The following TET3 variants were observed in gnomAD, a reference collection of about 807,000 sequenced individuals.
TET3 encodes methylcytosine dioxygenase TET3.
A neutral mutation model predicts 141.4 loss-of-function variants in TET3; 19 were observed. The observed-to-expected ratio is 0.13, with a 90% CI of 0.09 to 0.20. The LOEUF is 0.20. TET3 is among the 10% of genes least tolerant of loss of function. TET3 has a pLI of 1.00. For synonymous variants in TET3, 1,043 were observed against 980.9 expected (o/e 1.06, Z -1.18); for missense variants, 1,874 against 2,356.9 (o/e 0.80, Z 4.24).
chr2:74,002,376 C>G (rs1383461282), intron 2 of TET3, among the ~76,000 whole-genome samples: 1 of 151,698 alleles, frequency 6.6e-6, no homozygotes, highest in Non-Finnish European at 1.5e-5. Flanking sequence ...CCCCCACCCC[C>G]CCGGCGTCTG....
At chr2:74,034,188 C>G (rs1686903392) in intron 3 of TET3, among the ~76,000 whole-genome samples, 1 of 149,158 alleles carries the variant, frequency 6.7e-6, no homozygotes, top group Non-Finnish European at 1.5e-5. Flanking sequence ...AAACCACCCC[C>G]AGTATCTGTG....
At chr2:74,016,111 T>C (rs950178595) in intron 3 of TET3, among the ~76,000 whole-genome samples, 1 of 152,140 alleles carries the variant, frequency 6.6e-6, no homozygotes, top group African/African-American at 2.4e-5. Flanking sequence ...CTCATGCTTA[T>C]AGTCCCAGTG....
chr2:74,110,289 G>A (rs2104293796), downstream of TET3, among the ~76,000 whole-genome samples: 1 of 151,926 alleles, frequency 6.6e-6, no homozygotes, highest in Middle Eastern at 3.4e-3. Context: ...CACTCTCCCT[G>A]CCTATTTTGA....
At chr2:74,118,025 T>A in the TET3 span, among the ~76,000 whole-genome samples, 1 of 152,242 alleles carries the variant, frequency 6.6e-6, no homozygotes, top group African/African-American at 2.4e-5. Flanking sequence ...ATTACAGGCA[T>A]GAGCCACTGC....
At chr2:74,000,249 C>T (rs753116913) in intron 2 of TET3, among the ~76,000 whole-genome samples, 1 of 152,194 alleles carries the variant, frequency 6.6e-6, no homozygotes, top group Non-Finnish European at 1.5e-5. Flanking sequence ...CAGTGCCCAG[C>T]CCCCTGCCTC....
the TET3 span, among the ~76,000 whole-genome samples, chr2:74,119,731 AATT>A: frequency 6.6e-6 from 1 of 152,258 alleles, no homozygotes; most frequent in Non-Finnish European, 1.5e-5. Flanking sequence ...TGGCTGAATC[AATT>A]ATTACCACGA....
chr2:74,072,511 T>TA (rs756082699), intron 4 of TET3, among the ~76,000 whole-genome samples: 3,563 of 131,202 alleles, frequency 0.027, 97 homozygotes, highest in African/African-American at 0.075. Flanking sequence ...AAACTCCATC[T>TA]AAAAAAAAAA....
chr2:74,031,842 A>G (rs1686711004), intron 3 of TET3, among the ~76,000 whole-genome samples: 1 of 152,230 alleles, frequency 6.6e-6, no homozygotes, highest in African/African-American at 2.4e-5. Flanking sequence ...GCTGAAATCC[A>G]TGAATATTTA....
intron 2 of TET3, among the ~76,000 whole-genome samples, chr2:73,990,249 T>C (rs1684255997): frequency 6.7e-6 from 1 of 149,686 alleles, no homozygotes; most frequent in African/African-American, 2.5e-5. Flanking sequence ...CATGGTGGCA[T>C]GTGCCTGTAG....
At chr2:74,058,034 A>C (rs1688307943) in intron 4 of TET3, among the ~76,000 whole-genome samples, 1 of 152,232 alleles carries the variant, frequency 6.6e-6, no homozygotes, top group South Asian at 2.1e-4. Context: ...AGTCGCTATC[A>C]AATAAAAAAT....
intron 3 of TET3, among the ~76,000 whole-genome samples, chr2:74,017,883 G>T (rs1055392961): frequency 3.3e-5 from 5 of 150,998 alleles, no homozygotes; most frequent in Non-Finnish European, 7.4e-5. Flanking sequence ...CCCTTTCTCC[G>T]CATCCTCACC....
Position 74,087,760 on chromosome 2 carries a change from G to A in TET3, c.2680-70G>A. 6.9e-7 allele frequency: 1 copy of A among 1,443,268 alleles called. No homozygotes were observed. The highest frequency in any genetic ancestry group is 9.3e-7 in the Non-Finnish European group (1 of 1,078,778). 89.4% of individuals were successfully genotyped at this position (1,443,268 alleles called of 1,614,324 possible). A position where few individuals can be genotyped will look rare whatever the true frequency, so the allele number is the denominator to read the frequency against. On this transcript the variant is annotated intron_variant, in intron 6 of 11. Transcript: ENST00000409262. This position sits in a 1 kb window ranked among gnomAD's most constrained non-coding sequence, Gnocchi z 4.3. Reference sequence around the variant, plus strand: ...CTGCACCCTGGGTCTGTGTGACAAAGGGAGGGGTGGCACCATGCAGAGGAG... The same window carrying A: ...CTGCACCCTGGGTCTGTGTGACAAAAGGAGGGGTGGCACCATGCAGAGGAG...
At chr2:73,999,670 A>T (rs980448146) in intron 2 of TET3, among the ~76,000 whole-genome samples, 4 of 151,998 alleles carry the variant, frequency 2.6e-5, no homozygotes, top group Non-Finnish European at 4.4e-5. Flanking sequence ...GTGATAGAAG[A>T]TGGGGAGGGG....
Position 74,046,387 on chromosome 2 carries a change from A to G in TET3, c.470A>G (p.Asn157Ser), listed in dbSNP as rs753749289. The part of the protein sequence containing the change: ...RQLSASGVPV[N>S]GAREPAGPSL... The stretch of plus-strand genomic sequence containing the variant: ...CTAAGCGCCTCAGGGGTGCCGGTCA[A>G]TGGTGCTAGAGAGCCCGCTGGACCC... The change falls in exon 4 of 12, where the codon AAT (asparagine) becomes AGT (serine). Residue 157 changes from asparagine (N) to serine (S), a missense_variant. By Grantham distance (46) the Asn-to-Ser change is conservative (BLOSUM62 1). This residue lies in a region of TET3 where 366 missense variants were observed against 487.0 expected (regional missense o/e 0.75). Transcript: ENST00000409262. This position sits in a 1 kb window ranked among gnomAD's most constrained non-coding sequence, Gnocchi z 4.3. 1.1e-5 allele frequency: 17 copies of G among 1,545,506 alleles called. No individual in the cohort carries two copies. Among genetic ancestry groups the G allele is most frequent in the Middle Eastern group, 1.7e-4 (1 of 5,730 alleles).
chr2:74,011,011 C>T (rs1276045750), intron 3 of TET3, among the ~76,000 whole-genome samples: 2 of 151,776 alleles, frequency 1.3e-5, no homozygotes, highest in East Asian at 3.9e-4. Flanking sequence ...GCTGAGGTGG[C>T]CAGATCATGA....
intron 2 of TET3, 122 bp from the exon 3 acceptor site, chr2:74,002,988 C>A: frequency 1.9e-6 from 2 of 1,044,186 alleles, no homozygotes; most frequent in Non-Finnish European, 2.9e-6. Context: ...CTTTCTTTCC[C>A]AGGCTGTATC....
rs986193404 is a variant in TET3, at chr2:74,104,459, C to T, written c.*2283C>T. 1.3e-5 allele frequency: 2 copies of T among 152,156 alleles called. No individual in the cohort carries two copies. Among genetic ancestry groups the T allele is most frequent in the Non-Finnish European group, 2.9e-5 (2 of 68,032 alleles). 9.4% of individuals were successfully genotyped at this position (152,156 alleles called of 1,614,324 possible). On this transcript the variant is annotated 3_prime_UTR_variant, in exon 12 of 12. Transcript: ENST00000409262. ...GTCCTTTAAATGCTATTTTGCTTAT[C>T]GCATCAGTACTTTTATGCAGGTCTC...
chr2:74,087,940 C>T lies in TET3; in HGVS notation c.2790C>T (p.Gly930=). The stretch of plus-strand genomic sequence containing the variant: ...TCATCCTCATCCTGGCCTGGGAGGG[C>T]ATTCCCCGTAGCCTCGGAGACACCC... ...VIVILILAWE[G]IPRSLGDTLY... is the part of the protein sequence containing the mutation. The change falls in exon 7 of 12, where the codon GGC becomes GGT. Residue 930 remains glycine (G), a synonymous_variant. Transcript: ENST00000409262. This position sits in a 1 kb window ranked among gnomAD's most constrained non-coding sequence, Gnocchi z 4.3. The T allele has an allele frequency of 6.4e-7, 1 of 1,553,404 alleles. No individual in the cohort carries two copies. The highest frequency in any genetic ancestry group is 8.7e-7 in the Non-Finnish European group (1 of 1,148,054).
intron 3 of TET3, among the ~76,000 whole-genome samples, chr2:74,005,561 A>G (rs1330057195): frequency 1.3e-5 from 2 of 152,084 alleles, no homozygotes; most frequent in Non-Finnish European, 2.9e-5. Flanking sequence ...TGTAAGAAGG[A>G]TATGTCTGAT....
Sources: gnomAD v4.1 joint callset for allele counts (sites outside exome capture counted in the v4.1 genomes callset) on GRCh38, gnomAD v4.1.1 for gene constraint, gnomAD v4.1.1 regional missense constraint, Gnocchi (gnomAD v3.1) non-coding constraint, MANE v1.5 for transcripts, NCBI Gene and HGNC (gene_info 2026-07-23, HGNC 2026-07-21) for gene names.